The following IFT56 variants were observed in gnomAD, a reference collection of about 807,000 sequenced individuals.
The protein encoded by IFT56 is intraflagellar transport 56.
chr7:139,180,618 G>A, the IFT56 span, among the ~76,000 whole-genome samples: 1 of 151,664 alleles, frequency 6.6e-6, no homozygotes, highest in Admixed American at 6.6e-5. Context: ...GCTGAGGCAC[G>A]AGAATCACTT....
the IFT56 span, among the ~76,000 whole-genome samples, chr7:139,139,616 AC>A: frequency 6.6e-6 from 1 of 152,164 alleles, no homozygotes; most frequent in Non-Finnish European, 1.5e-5. Context: ...TAGTTCAGTT[AC>A]TTTTTGTTTC....
the IFT56 span, among the ~76,000 whole-genome samples, chr7:139,170,617 T>C: frequency 8.5e-5 from 13 of 152,322 alleles, no homozygotes; most frequent in African/African-American, 2.2e-4. Context: ...ATCATTTCAA[T>C]TGATGCTGGA....
At chr7:139,182,417 T>A in the IFT56 span, among the ~76,000 whole-genome samples, 2 of 152,112 alleles carry the variant, frequency 1.3e-5, no homozygotes, top group African/African-American at 4.8e-5. Context: ...TGCTCTTAAA[T>A]AAGTTAGGGG....
At chr7:139,191,389 A>G in the IFT56 span, 1 of 152,236 alleles carries the variant, frequency 6.6e-6, no homozygotes, top group Non-Finnish European at 1.5e-5. Context: ...TTAAAATATT[A>G]GGAAACACAG....
At chr7:139,146,868 TAAAGAA>T in the IFT56 span, 3 of 589,584 alleles carry the variant, frequency 5.1e-6, no homozygotes, top group Non-Finnish European at 2.6e-6. Flanking sequence ...GGAGAAAATA[TAAAGAA>T]AAAGAAAAGA....
chr7:139,173,649 C>T, the IFT56 span: 3 of 780,622 alleles, frequency 3.8e-6, no homozygotes, highest in Non-Finnish European at 7.1e-6. Flanking sequence ...TTCTTTTCTT[C>T]TGGGATATAA....
the IFT56 span, among the ~76,000 whole-genome samples, chr7:139,140,457 T>C: frequency 8.6e-6 from 1 of 115,686 alleles, no homozygotes; most frequent in Non-Finnish European, 1.5e-5. Context: ...TGTACTCAAA[T>C]TTAAGAATAA....
the IFT56 span, among the ~76,000 whole-genome samples, chr7:139,185,994 G>C: frequency 2.0e-5 from 3 of 152,008 alleles, no homozygotes; most frequent in Non-Finnish European, 2.9e-5. Flanking sequence ...AGCTAAGAAG[G>C]CTGTCTTAAG....
the IFT56 span, among the ~76,000 whole-genome samples, chr7:139,147,477 G>A: frequency 1.3e-5 from 2 of 151,696 alleles, no homozygotes; most frequent in Non-Finnish European, 2.9e-5. Flanking sequence ...TTTTTGCATT[G>A]TCACCCTTCT....
chr7:139,137,199 C>T, the IFT56 span, among the ~76,000 whole-genome samples: 1 of 152,120 alleles, frequency 6.6e-6, no homozygotes, highest in Non-Finnish European at 1.5e-5. Flanking sequence ...GTCTTTTCCT[C>T]CAAAATAAGG....
the IFT56 span, among the ~76,000 whole-genome samples, chr7:139,134,043 G>C: frequency 1.3e-5 from 2 of 152,158 alleles, no homozygotes; most frequent in African/African-American, 4.8e-5. Context: ...CTTCCCTCCT[G>C]CTTTTCCGTT....
the IFT56 span, among the ~76,000 whole-genome samples, chr7:139,177,171 C>CA: frequency 0.028 from 2,620 of 93,782 alleles, 67 homozygotes; most frequent in African/African-American, 0.076. Context: ...GACTCCGTCT[C>CA]AAAAAAAAAA....
chr7:139,144,455 G>A, the IFT56 span, among the ~76,000 whole-genome samples: 2 of 151,856 alleles, frequency 1.3e-5, no homozygotes, highest in Non-Finnish European at 2.9e-5. Context: ...CCCAGATATG[G>A]TTTTCTTTGT....
the IFT56 span, chr7:139,174,358 C>T: frequency 2.0e-6 from 1 of 505,094 alleles, no homozygotes; most frequent in Non-Finnish European, 4.0e-6. Flanking sequence ...AAGTGTAGTC[C>T]AGAGGCCTCC....
chr7:139,166,960 A>T, the IFT56 span: 1 of 1,083,634 alleles, frequency 9.2e-7, no homozygotes, highest in Non-Finnish European at 1.4e-6. Flanking sequence ...TCAGAAATTT[A>T]GTTGGAAGTC....
At chr7:139,145,085 GA>G in the IFT56 span, among the ~76,000 whole-genome samples, 1 of 152,120 alleles carries the variant, frequency 6.6e-6, no homozygotes, top group Non-Finnish European at 1.5e-5. Flanking sequence ...CAGGCACATA[GA>G]AAAGGGGCAA....
the IFT56 span, chr7:139,172,503 C>A: frequency 2.2e-6 from 1 of 449,468 alleles, no homozygotes. Context: ...CTTACAGAAC[C>A]ATCAACACTG....
At chr7:139,158,868 GGCGCCACT>G in the IFT56 span, among the ~76,000 whole-genome samples, 9 of 151,780 alleles carry the variant, frequency 5.9e-5, no homozygotes, top group Non-Finnish European at 1.5e-5. Context: ...GGGCTAAGAT[GGCGCCACT>G]GCACTCCAGC....
the IFT56 span, chr7:139,174,042 A>G: frequency 1.6e-6 from 1 of 612,408 alleles, no homozygotes; most frequent in East Asian, 4.1e-5. Context: ...GACAGAGTCA[A>G]TCAACACCAG....
Sources: gnomAD v4.1 joint callset for allele counts (sites outside exome capture counted in the v4.1 genomes callset) on GRCh38, gnomAD v4.1.1 for gene constraint, MANE v1.5 for transcripts, NCBI Gene and HGNC (gene_info 2026-07-23, HGNC 2026-07-21) for gene names.